ZSWIM5: variants seen among roughly 807,000 people sequenced by gnomAD.
The protein encoded by ZSWIM5 is zinc finger SWIM-type containing 5, also known as zinc finger SWIM domain-containing protein 5.
ZSWIM5 carries 55 observed loss-of-function variants against 119.6 expected under a neutral mutation model. That is an observed-to-expected ratio of 0.46 (90% CI 0.37 to 0.58). ZSWIM5 has a LOEUF of 0.58. Ranked by LOEUF, ZSWIM5 falls within the 20% of genes least tolerant of loss-of-function variation. ZSWIM5 has a pLI of 0.00. For missense variants in ZSWIM5, 1,193 were observed against 1,512.8 expected (o/e 0.79, Z 3.51); for synonymous variants, 537 against 606.9 (o/e 0.88, Z 1.69).
chr1:45,036,241 T>C lies in ZSWIM5; in HGVS notation c.1953A>G (p.Pro651=). ...ATGACAGGTAGGACTCACTGCTGTT[T>C]GGGGAGCCTGCAGCCACAGGTACAT... ...YQHVPVAAGS[P]NSSESYLSLA... The change falls in exon 9 of 14, where the codon CCA becomes CCG. Residue 651 remains proline, a synonymous_variant. Coordinates refer to ENST00000359600, the MANE Select transcript of ZSWIM5 (RefSeq NM_020883.2). 1 of 1,614,070 alleles carries C rather than the reference T, an allele frequency of 6.2e-7. No individual in the cohort carries two copies.
intron 1 of ZSWIM5, among the ~76,000 whole-genome samples, chr1:45,114,241 C>T (rs1645533868): frequency 6.6e-6 from 1 of 152,104 alleles, no homozygotes; most frequent in Non-Finnish European, 1.5e-5. Flanking sequence ...AAAAAAGCAC[C>T]ACAAGCATTA....
At chr1:45,184,805 A>G (rs1237901) in intron 1 of ZSWIM5, among the ~76,000 whole-genome samples, 22 of 151,886 alleles carry the variant, frequency 1.4e-4, no homozygotes, top group East Asian at 7.7e-4. Context: ...AATCAATATC[A>G]TGAAAATGGC....
chr1:45,092,547 C>G lies in ZSWIM5; in HGVS notation c.596-4310G>C, dbSNP rs542970788. Among the ~76,000 whole-genome samples, 963 of 110,950 alleles carry G rather than the reference C, an allele frequency of 8.7e-3. 120 individuals are homozygous for G. Among genetic ancestry groups the G allele is most frequent in the Middle Eastern group, 0.02 (5 of 256 alleles). The allele number at this position is 110,950 out of a possible 152,430, so 72.8% of individuals were successfully genotyped here. A position where few individuals can be genotyped will look rare whatever the true frequency, so the allele number is the denominator to read the frequency against. On this transcript the variant is annotated intron_variant, in intron 1 of 13. Coordinates refer to ENST00000359600, the MANE Select transcript of ZSWIM5 (RefSeq NM_020883.2). ...TGTGACCTCGTGATCCACCCCCCCC[C>G]CCCCGCCAGCCTTACAAAGTGCTAG...
At chr1:45,200,041 A>C (rs924252067) in intron 1 of ZSWIM5, among the ~76,000 whole-genome samples, 1 of 152,228 alleles carries the variant, frequency 6.6e-6, no homozygotes, top group Non-Finnish European at 1.5e-5. Flanking sequence ...ATGCCAATAC[A>C]TCTTTTAGGC....
At chr1:45,106,516 C>T (rs1409329986) in intron 1 of ZSWIM5, among the ~76,000 whole-genome samples, 13 of 148,156 alleles carry the variant, frequency 8.8e-5, no homozygotes, top group Admixed American at 2.0e-4. Flanking sequence ...AGGTGGGGAG[C>T]GCCTCTGCCC....
At position 45,017,563 on chromosome 1, in the gene ZSWIM5, T is replaced by A. The variant is rs949059627; in HGVS notation, c.*891A>T. The A allele has an allele frequency of 1.2e-4, 19 of 152,224 alleles. No homozygotes were observed. The highest frequency in any genetic ancestry group is 4.3e-4 in the African/African-American group (18 of 41,444). 9.4% of individuals were successfully genotyped at this position (152,224 alleles called of 1,614,324 possible). ...AGATGTATCTATGTACATACACACA[T>A]GTACTTAGCCATAAAGATACACACA... On this transcript the variant is annotated 3_prime_UTR_variant, in exon 14 of 14. Transcript: ENST00000359600.
At chr1:45,056,771 C>T (rs1043523083) in intron 4 of ZSWIM5, among the ~76,000 whole-genome samples, 1 of 152,110 alleles carries the variant, frequency 6.6e-6, no homozygotes, top group South Asian at 2.1e-4. Flanking sequence ...AAGGGTTGGC[C>T]TTTCATGACA....
Position 45,043,311 on chromosome 1 carries a change from C to T in ZSWIM5, c.1517G>A (p.Arg506Gln), listed in dbSNP as rs774556119. The change falls in exon 6 of 14, where the codon CGA (arginine) becomes CAA (glutamine). Residue 506 changes from arginine to glutamine, a missense_variant. Physicochemically the swap from Arg to Gln is conservative, Grantham distance 43. Transcript: ENST00000359600. The stretch of plus-strand genomic sequence containing the variant: ...TGTATAAACATCACTGCTGATTATT[C>T]GCTGTAGGTGGCTATCCTGCCAATG... ...ELHWQDSHLQ[R>Q]IISSDVYTAP... The T allele has an allele frequency of 1.9e-5, 31 of 1,614,182 alleles. No homozygotes were observed. The South Asian group carries it at 2.6e-4, about 14-fold the overall frequency.
At chr1:45,035,522 A>T (rs1377657572) in intron 10 of ZSWIM5, among the ~76,000 whole-genome samples, 166 bp downstream of exon 10, 1 of 152,224 alleles carries the variant, frequency 6.6e-6, no homozygotes, top group Non-Finnish European at 1.5e-5. Context: ...TCCAGATATG[A>T]ATCCTAGATC....
intron 4 of ZSWIM5, among the ~76,000 whole-genome samples, chr1:45,051,860 A>G (rs975079632): frequency 6.6e-6 from 1 of 152,242 alleles, no homozygotes; most frequent in African/African-American, 2.4e-5. Context: ...TTAATGAGAT[A>G]ACCTTTGTAA....
intron 1 of ZSWIM5, among the ~76,000 whole-genome samples, chr1:45,143,733 T>C (rs1645744233): frequency 6.6e-6 from 1 of 152,138 alleles, no homozygotes; most frequent in African/African-American, 2.4e-5. Context: ...ACTATCCTTA[T>C]TCAAAGATAA....
chr1:45,117,709 T>C (rs1645566848), intron 1 of ZSWIM5, among the ~76,000 whole-genome samples: 2 of 152,098 alleles, frequency 1.3e-5, no homozygotes, highest in South Asian at 2.1e-4. Flanking sequence ...AATCATCTCC[T>C]ACACTAGTTT....
chr1:45,149,959 A>G (rs1164233961), intron 1 of ZSWIM5, among the ~76,000 whole-genome samples: 2 of 152,102 alleles, frequency 1.3e-5, no homozygotes, highest in African/African-American at 4.8e-5. Context: ...ACTTGAGGCC[A>G]GGGTTCAAAG....
At chr1:45,060,372 A>C in intron 2 of ZSWIM5, 125 bp from the exon 3 acceptor site, 1 of 935,116 alleles carries the variant, frequency 1.1e-6, no homozygotes, top group Admixed American at 2.6e-5. Flanking sequence ...GGGTTTTGTC[A>C]ACTGTATAGT....
chr1:45,179,825 C>A (rs1646004364), intron 1 of ZSWIM5, among the ~76,000 whole-genome samples: 1 of 152,090 alleles, frequency 6.6e-6, no homozygotes, highest in African/African-American at 2.4e-5. Flanking sequence ...TAGCAATTAT[C>A]CTGGATTATC....
chr1:45,168,622 G>A (rs1296119208), intron 1 of ZSWIM5, among the ~76,000 whole-genome samples: 4 of 135,870 alleles, frequency 2.9e-5, no homozygotes, highest in Non-Finnish European at 6.1e-5. Flanking sequence ...CTGAGATCGC[G>A]CCACTGCACT....
At position 45,017,309 on chromosome 1, in the gene ZSWIM5, A is replaced by C. The variant is rs1644860030; in HGVS notation, c.*1145T>G. ...ACAGATGCATGGATAACAAGCATAC[A>C]CATGGATACAAACATGTTTATACAC... is the stretch of plus-strand genomic sequence containing the variant. On this transcript the variant is annotated 3_prime_UTR_variant, in exon 14 of 14. Coordinates refer to ENST00000359600, the MANE Select transcript of ZSWIM5 (RefSeq NM_020883.2). 6.6e-6 allele frequency: 1 copy of C among 152,236 alleles called. No individual in the cohort carries two copies. The highest frequency in any genetic ancestry group is 1.5e-5 in the Non-Finnish European group (1 of 68,022). The allele number at this position is 152,236 out of a possible 1,614,324, so 9.4% of individuals were successfully genotyped here.
chr1:45,082,337 GAAA>G (rs34118103), intron 2 of ZSWIM5, among the ~76,000 whole-genome samples: 7 of 131,098 alleles, frequency 5.3e-5, no homozygotes, highest in African/African-American at 1.4e-4. Context: ...AAAAAAAAAA[GAAA>G]AAAAAAAAAG....
At chr1:45,196,843 T>C (rs536902664) in intron 1 of ZSWIM5, among the ~76,000 whole-genome samples, 1 of 152,224 alleles carries the variant, frequency 6.6e-6, no homozygotes, top group East Asian at 1.9e-4. Context: ...CACCCAGAAG[T>C]TTTCTCACAC....
Sources: allele counts gnomAD v4.1 joint callset (sites outside exome capture counted in the v4.1 genomes callset), GRCh38; gene constraint gnomAD v4.1.1; transcripts MANE v1.5; gene names NCBI Gene and HGNC (gene_info 2026-07-23, HGNC 2026-07-21).